MRE11: variants seen among roughly 807,000 people sequenced by gnomAD.
MRE11 encodes double-strand break repair protein MRE11.
A neutral mutation model predicts 91.7 loss-of-function variants in MRE11; 62 were observed. The observed-to-expected ratio is 0.68, with a 90% CI of 0.55 to 0.84. The LOEUF (loss-of-function observed/expected upper bound fraction) is 0.84. Ranked by LOEUF, MRE11 falls within the 40% of genes least tolerant of loss-of-function variation. The pLI is 0.00. For synonymous variants in MRE11, 273 were observed against 271.4 expected (o/e 1.01, Z -0.06); for missense variants, 796 against 852.9 (o/e 0.93, Z 0.83).
At chr11:94,489,715 T>C (rs1236888238) in intron 3 of MRE11, among the ~76,000 whole-genome samples, 1 of 152,188 alleles carries the variant, frequency 6.6e-6, no homozygotes, top group Non-Finnish European at 1.5e-5. Flanking sequence ...GGTGTTAATT[T>C]GCAAGTCAAT....
At chr11:94,439,862 C>CT (rs1945727118) in intron 16 of MRE11, among the ~76,000 whole-genome samples, 1 of 152,226 alleles carries the variant, frequency 6.6e-6, no homozygotes, top group African/African-American at 2.4e-5. Flanking sequence ...CAAGATCTTC[C>CT]TCACTTTAGA....
At chr11:94,452,078 C>T (rs1046504042) in intron 14 of MRE11, among the ~76,000 whole-genome samples, 5 of 151,358 alleles carry the variant, frequency 3.3e-5, no homozygotes, top group African/African-American at 7.3e-5. Flanking sequence ...TGGTAGCGCG[C>T]GCTAGCTACT....
intron 17 of MRE11, among the ~76,000 whole-genome samples, chr11:94,436,457 T>C (rs989312644): frequency 1.3e-5 from 2 of 152,206 alleles, no homozygotes; most frequent in Admixed American, 1.3e-4. Context: ...TAAGTACAGA[T>C]GAGGATGAAG....
At chr11:94,464,427 T>A (rs1345777577) in intron 10 of MRE11, among the ~76,000 whole-genome samples, 188 bp from the exon 11 acceptor site, 8 of 152,228 alleles carry the variant, frequency 5.3e-5, no homozygotes, top group Non-Finnish European at 1.2e-4. Context: ...TTGAAAAGTT[T>A]ATAAGCATAA....
chr11:94,428,549 A>G (rs895037358), intron 19 of MRE11, among the ~76,000 whole-genome samples: 1 of 152,170 alleles, frequency 6.6e-6, no homozygotes, highest in African/African-American at 2.4e-5. Flanking sequence ...GGACCTCATT[A>G]AACTAAAGAG....
chr11:94,496,550 T>C (rs1383046534), upstream of MRE11: 1 of 747,292 alleles, frequency 1.3e-6, no homozygotes, highest in Non-Finnish European at 2.1e-6. Flanking sequence ...ATCTATGCAG[T>C]TGATAAAGCC....
At chr11:94,437,802 T>C (rs1452134456) in intron 16 of MRE11, among the ~76,000 whole-genome samples, 1 of 152,196 alleles carries the variant, frequency 6.6e-6, no homozygotes, top group Admixed American at 6.5e-5. Flanking sequence ...TAGCTCTTTA[T>C]CTTTCCCTTT....
Position 94,426,183 on chromosome 11 carries a change from C to T in MRE11, c.2070+3728G>A, listed in dbSNP as rs558449444. 5.3e-5 allele frequency among the ~76,000 whole-genome samples: 8 copies of T among 152,226 alleles called. No homozygotes were observed. The South Asian group carries it at 1.5e-3, about 28-fold the overall frequency. ...TCAATATTAAGAAGATCTCTCAAAA[C>T]TACACAAATACATGGAACTTAAACA... On this transcript the variant is annotated intron_variant, in intron 19 of 19. Transcript: ENST00000323929.
At chr11:94,475,279 A>G (rs149719647) in intron 7 of MRE11, 19 of 171,838 alleles carry the variant, frequency 1.1e-4, no homozygotes, top group Non-Finnish European at 1.9e-4. Context: ...CAGTATTTAC[A>G]TTGTATCAGG....
rs1555009409 is a variant in MRE11, at chr11:94,459,539, C to T, written c.1369G>A (p.Ala457Thr). ...SLLTERGMGE[A>T]VQEFVDKEEK... ...TCCTTGTCCACAAATTCTTGTACTGCTTCACCCATCCCTCTTTCTGTTAGC... is the reference window on the plus strand; with the variant it reads ...TCCTTGTCCACAAATTCTTGTACTGTTTCACCCATCCCTCTTTCTGTTAGC... The change falls in exon 13 of 20, where the codon GCA (alanine) becomes ACA (threonine). Residue 457 changes from alanine (A) to threonine (T), a missense_variant. Coordinates refer to ENST00000323929, the MANE Select transcript of MRE11 (RefSeq NM_005591.4). 1 of 1,614,082 alleles carries T rather than the reference C, an allele frequency of 6.2e-7. No homozygotes were observed. The highest frequency in any genetic ancestry group is 1.1e-5 in the South Asian group (1 of 91,078).
At chr11:94,472,006 G>T (rs932783467) in intron 7 of MRE11, among the ~76,000 whole-genome samples, 1 of 151,946 alleles carries the variant, frequency 6.6e-6, no homozygotes, top group African/African-American at 2.4e-5. Context: ...TTCTATATTT[G>T]GAGGAAGATC....
At chr11:94,464,008 A>G (rs1470568430) in intron 11 of MRE11, 105 bp downstream of exon 11, 1 of 1,270,156 alleles carries the variant, frequency 7.9e-7, no homozygotes, top group African/African-American at 1.5e-5. Flanking sequence ...AAGACATTAC[A>G]ATCATATTAA....
chr11:94,478,081 G>A (rs1210064607), intron 6 of MRE11, among the ~76,000 whole-genome samples: 1 of 152,146 alleles, frequency 6.6e-6, no homozygotes, highest in Non-Finnish European at 1.5e-5. Context: ...GTCCAGTTAA[G>A]GAAGGTATAA....
In MRE11 at chr11:94,417,720, T is replaced by C. The variant is rs553961634; in HGVS notation, c.*2405A>G. Reference sequence around the variant, plus strand: ...GATTCCATCAGTGCTCAATTTATAATTATTTATTCAACCATATGACTTTTC... The same window carrying C: ...GATTCCATCAGTGCTCAATTTATAACTATTTATTCAACCATATGACTTTTC... On this transcript the variant is annotated 3_prime_UTR_variant, in exon 20 of 20. Transcript: ENST00000323929. 1.7e-5 allele frequency: 4 copies of C among 233,050 alleles called. No individual in the cohort carries two copies. The South Asian group carries it at 7.2e-4, about 42-fold the overall frequency. 14.4% of individuals were successfully genotyped at this position (233,050 alleles called of 1,614,324 possible).
At chr11:94,477,199 AC>A (rs1946884644) in intron 6 of MRE11, among the ~76,000 whole-genome samples, 1 of 152,180 alleles carries the variant, frequency 6.6e-6, no homozygotes. Context: ...AATTATATAT[AC>A]TTTTGATCTA....
At chr11:94,468,881 T>C (rs1014524485) in intron 9 of MRE11, among the ~76,000 whole-genome samples, 2 of 151,926 alleles carry the variant, frequency 1.3e-5, no homozygotes, top group Non-Finnish European at 2.9e-5. Flanking sequence ...ACAGAGAAAA[T>C]CTATAAGAAT....
intron 14 of MRE11, among the ~76,000 whole-genome samples, chr11:94,449,348 A>C (rs966459952): frequency 6.6e-6 from 1 of 152,242 alleles, no homozygotes; most frequent in South Asian, 2.1e-4. Flanking sequence ...ATTTCAATTC[A>C]TCTTTCCTGT....
At chr11:94,490,534 T>G in intron 3 of MRE11, among the ~76,000 whole-genome samples, 1 of 152,224 alleles carries the variant, frequency 6.6e-6, no homozygotes, top group East Asian at 1.9e-4. Context: ...CTACGTTATC[T>G]GAAAGCAGAA....
chr11:94,415,861 AGT>A lies in MRE11; in HGVS notation c.*4262_*4263del, dbSNP rs1945022222. On this transcript the variant is annotated 3_prime_UTR_variant, in exon 20 of 20. Coordinates refer to ENST00000323929, the MANE Select transcript of MRE11 (RefSeq NM_005591.4). Reference sequence around the variant, plus strand: ...AGTCTTGCTCTGTTGCCCAGGCTGGAGTGCAATGGCGTGATATCAGCTCACCG... The same window carrying A: ...AGTCTTGCTCTGTTGCCCAGGCTGGAGCAATGGCGTGATATCAGCTCACCG... The A allele has an allele frequency of 6.6e-6, 1 of 152,284 alleles. No individual in the cohort carries two copies. Among genetic ancestry groups the A allele is most frequent in the African/African-American group, 2.4e-5 (1 of 41,450 alleles). The allele number at this position is 152,284 out of a possible 1,614,324, so 9.4% of individuals were successfully genotyped here. A position where few individuals can be genotyped will look rare whatever the true frequency, so the allele number is the denominator to read the frequency against.
Sources: gnomAD v4.1 joint callset for allele counts (sites outside exome capture counted in the v4.1 genomes callset) on GRCh38, gnomAD v4.1.1 for gene constraint, MANE v1.5 for transcripts, NCBI Gene and HGNC (gene_info 2026-07-23, HGNC 2026-07-21) for gene names.